Variants in ADK observed in about 807,000 individuals in gnomAD.
The protein encoded by ADK is adenosine kinase.
Under a neutral mutation model 44.7 loss-of-function variants are expected in ADK, and 24 were observed. The ratio of observed to expected loss-of-function variants is 0.54; its 90% CI spans 0.39 to 0.76. The LOEUF (loss-of-function observed/expected upper bound fraction) is 0.76. Among genes scored for constraint, ADK ranks in the 30% least tolerant of loss-of-function variants. ADK has a pLI of 0.00. For synonymous variants in ADK, 128 were observed against 142.6 expected (o/e 0.90, Z 0.73); for missense variants, 321 against 425.1 (o/e 0.76, Z 2.15).
rs77001587 is a variant in ADK at position 74,314,944 on chromosome 10, T to G, written c.273+199T>G. On this transcript the variant is annotated intron_variant, in intron 4 of 10. Coordinates refer to ENST00000539909, the MANE Select transcript of ADK (RefSeq NM_006721.4). ...TTGGTTATTGGTAAGCTTGAACTTT[T>G]AATGTTTATTGTTCATTTGTGTTTC... 4.7e-4 allele frequency among the ~76,000 whole-genome samples: 71 copies of G among 152,272 alleles called. 2 individuals are homozygous for G. In the East Asian group the frequency reaches 0.013, roughly 28 times the overall value.
intron 6 of ADK, among the ~76,000 whole-genome samples, chr10:74,409,800 A>C (rs1439333612): frequency 2.0e-5 from 3 of 152,238 alleles, no homozygotes; most frequent in South Asian, 2.1e-4. Context: ...AATAGAATTC[A>C]TACTTACAAA....
intron 9 of ADK, among the ~76,000 whole-genome samples, chr10:74,647,622 A>T (rs924446602): frequency 6.6e-6 from 1 of 152,154 alleles, no homozygotes; most frequent in Non-Finnish European, 1.5e-5. Context: ...ATTCTGACAC[A>T]TGTATAGTTC....
chr10:74,199,648 A>G (rs1843302956), intron 1 of ADK, among the ~76,000 whole-genome samples: 1 of 152,084 alleles, frequency 6.6e-6, no homozygotes, highest in African/African-American at 2.4e-5. Context: ...TGTAATAAAC[A>G]TATCCCTTTT....
intron 3 of ADK, among the ~76,000 whole-genome samples, chr10:74,236,254 G>A (rs1844956125): frequency 6.6e-6 from 1 of 152,164 alleles, no homozygotes; most frequent in South Asian, 2.1e-4. Context: ...CAACCATAAA[G>A]CTAGGGACTA....
At chr10:74,302,109 GTTTTTTTTTTT>G (rs1172807289) in intron 3 of ADK, among the ~76,000 whole-genome samples, 1 of 13,036 alleles carries the variant, frequency 7.7e-5, no homozygotes, top group East Asian at 2.7e-3. Flanking sequence ...TTGTTTGTTT[GTTTTTTTTTTT>G]TTTTTTTTTT....
At chr10:74,265,269 G>A (rs182773059) in intron 3 of ADK, among the ~76,000 whole-genome samples, 99 of 151,044 alleles carry the variant, frequency 6.6e-4, no homozygotes, top group African/African-American at 2.3e-3. Context: ...AGGCTGGAGT[G>A]CAGTGGTACA....
intron 6 of ADK, among the ~76,000 whole-genome samples, chr10:74,427,876 A>C (rs1364910597): frequency 6.6e-6 from 1 of 152,092 alleles, no homozygotes; most frequent in Non-Finnish European, 1.5e-5. Context: ...TGCTGTAATA[A>C]ATTACCGTAA....
chr10:74,436,041 A>G (rs10824177), intron 6 of ADK, among the ~76,000 whole-genome samples: 93,249 of 152,036 alleles, frequency 0.61, 30,803 homozygotes, highest in Middle Eastern at 0.78. Context: ...TTTCTTCACT[A>G]TTCTCTCAAC....
intron 4 of ADK, among the ~76,000 whole-genome samples, chr10:74,379,731 C>G (rs1448125008): frequency 1.4e-4 from 22 of 152,118 alleles, no homozygotes; most frequent in Non-Finnish European, 3.2e-4. Flanking sequence ...TTTAAATGTC[C>G]TTTTGTCTAT....
intron 9 of ADK, among the ~76,000 whole-genome samples, chr10:74,604,839 G>GTAGTATGAC (rs909472254): frequency 6.6e-6 from 1 of 152,144 alleles, no homozygotes; most frequent in Non-Finnish European, 1.5e-5. Flanking sequence ...ATTACTTTGG[G>GTAGTATGAC]TAGTATGACC....
intron 6 of ADK, among the ~76,000 whole-genome samples, chr10:74,440,566 T>C (rs1845367506): frequency 6.6e-6 from 1 of 152,170 alleles, no homozygotes; most frequent in Non-Finnish European, 1.5e-5. Context: ...AAATAAATGA[T>C]CTACCATTAT....
intron 3 of ADK, among the ~76,000 whole-genome samples, chr10:74,307,250 G>A (rs560860878): frequency 2.0e-5 from 3 of 152,252 alleles, no homozygotes; most frequent in Admixed American, 2.0e-4. Flanking sequence ...TCTGCTTTTG[G>A]AACTATTTTG....
chr10:74,521,702 T>C (rs1380496667), intron 6 of ADK, among the ~76,000 whole-genome samples: 1 of 152,164 alleles, frequency 6.6e-6, no homozygotes, highest in Non-Finnish European at 1.5e-5. Context: ...TCCATATTAC[T>C]ATGGAGACAA....
chr10:74,342,595 C>T (rs555882971), intron 4 of ADK, among the ~76,000 whole-genome samples: 1 of 152,238 alleles, frequency 6.6e-6, no homozygotes, highest in Non-Finnish European at 1.5e-5. Context: ...CCCTCAGCCT[C>T]CCAAGTAGCT....
At chr10:74,665,736 T>TGAGAGAGAGAGAGAGAGA (rs59620474) in intron 9 of ADK, among the ~76,000 whole-genome samples, 4 of 116,208 alleles carry the variant, frequency 3.4e-5, no homozygotes, top group African/African-American at 6.9e-5. Flanking sequence ...CCTTAGCTCT[T>TGAGAGAGAGAGAGAGAGA]GAGAGAGAGA....
At chr10:74,622,578 G>C (rs771565405) in intron 9 of ADK, among the ~76,000 whole-genome samples, 7 of 152,068 alleles carry the variant, frequency 4.6e-5, no homozygotes, top group Non-Finnish European at 1.5e-5. Flanking sequence ...AGTTAAGTGG[G>C]CTTATCTGTG....
chr10:74,395,577 AC>A (rs1843479819), intron 5 of ADK, among the ~76,000 whole-genome samples: 2 of 152,172 alleles, frequency 1.3e-5, no homozygotes, highest in African/African-American at 4.8e-5. Flanking sequence ...GTTTGTTTAG[AC>A]CTTTGCCCTT....
At chr10:74,432,369 G>A (rs909114895) in intron 6 of ADK, among the ~76,000 whole-genome samples, 1 of 152,070 alleles carries the variant, frequency 6.6e-6, no homozygotes, top group Admixed American at 6.6e-5. Context: ...ATTAATATCT[G>A]TTATTTCCAT....
At chr10:74,503,384 TA>T (rs1237356060) in intron 6 of ADK, among the ~76,000 whole-genome samples, 1 of 152,168 alleles carries the variant, frequency 6.6e-6, no homozygotes, top group Non-Finnish European at 1.5e-5. Flanking sequence ...AGAGATTATA[TA>T]GGAAAGATAG....
Sources: gnomAD v4.1 joint callset for allele counts (sites outside exome capture counted in the v4.1 genomes callset) on GRCh38, gnomAD v4.1.1 for gene constraint, MANE v1.5 for transcripts, NCBI Gene and HGNC (gene_info 2026-07-23, HGNC 2026-07-21) for gene names.